The following SUPT3H variants were observed in gnomAD, a reference collection of about 807,000 sequenced individuals.
The protein encoded by SUPT3H is transcription initiation protein SPT3 homolog.
Under a neutral mutation model 44.3 loss-of-function variants are expected in SUPT3H, and 44 were observed. The ratio of observed to expected loss-of-function variants is 0.99; its 90% CI spans 0.78 to 1.28. SUPT3H has a LOEUF of 1.28. Among genes scored for constraint, SUPT3H ranks in the 50% most tolerant of loss-of-function variants. SUPT3H has a pLI of 0.00. For synonymous variants in SUPT3H, 124 were observed against 125.6 expected (o/e 0.99, Z 0.09); for missense variants, 380 against 387.1 (o/e 0.98, Z 0.15).
intron 2 of SUPT3H, among the ~76,000 whole-genome samples, chr6:45,121,956 G>A (rs773542876): frequency 5.3e-5 from 8 of 151,766 alleles, no homozygotes; most frequent in Non-Finnish European, 1.2e-4. Flanking sequence ...GATTACAGGC[G>A]TGAGCCACCG....
chr6:45,024,045 C>T (rs577632179), intron 3 of SUPT3H, among the ~76,000 whole-genome samples: 6 of 152,216 alleles, frequency 3.9e-5, no homozygotes, highest in African/African-American at 1.4e-4. Context: ...AAAAATGTTC[C>T]TCAAAACTTC....
At chr6:45,055,481 T>A (rs556348803) in intron 3 of SUPT3H, among the ~76,000 whole-genome samples, 1 of 152,102 alleles carries the variant, frequency 6.6e-6, no homozygotes, top group African/African-American at 2.4e-5. Flanking sequence ...AAATGGCACA[T>A]AGACCCATGC....
At chr6:45,345,010 G>A (rs1454613232) in intron 2 of SUPT3H, among the ~76,000 whole-genome samples, 1 of 152,108 alleles carries the variant, frequency 6.6e-6, no homozygotes, top group Non-Finnish European at 1.5e-5. Flanking sequence ...TCAGAATTTA[G>A]CAAACTGATT....
At chr6:44,894,941 C>T (rs868410850) in intron 10 of SUPT3H, among the ~76,000 whole-genome samples, 29 of 151,820 alleles carry the variant, frequency 1.9e-4, no homozygotes, top group South Asian at 1.5e-3. Flanking sequence ...CTTTTAATTT[C>T]ACTTTTCCAC....
intron 3 of SUPT3H, among the ~76,000 whole-genome samples, chr6:45,038,396 A>G (rs949691062): frequency 6.6e-6 from 1 of 152,192 alleles, no homozygotes; most frequent in African/African-American, 2.4e-5. Context: ...CTGTGTGTCT[A>G]ACACCCACCA....
At chr6:45,004,727 C>T (rs930976628) in intron 5 of SUPT3H, among the ~76,000 whole-genome samples, 1 of 152,072 alleles carries the variant, frequency 6.6e-6, no homozygotes, top group African/African-American at 2.4e-5. Context: ...AAAATACATT[C>T]ATTTATAGAG....
intron 10 of SUPT3H, among the ~76,000 whole-genome samples, chr6:44,891,166 G>A (rs1488732121): frequency 6.6e-6 from 1 of 152,010 alleles, no homozygotes; most frequent in Non-Finnish European, 1.5e-5. Context: ...GTCAAAAAAA[G>A]AAATAAAAAA....
chr6:45,084,212 C>T (rs763346864), intron 3 of SUPT3H, among the ~76,000 whole-genome samples: 3 of 152,072 alleles, frequency 2.0e-5, no homozygotes, highest in South Asian at 2.1e-4. Flanking sequence ...AGAAAACTTG[C>T]AGAATGGGAG....
intron 2 of SUPT3H, among the ~76,000 whole-genome samples, chr6:45,303,637 T>C (rs1484457257): frequency 1.3e-5 from 2 of 149,762 alleles, no homozygotes; most frequent in Non-Finnish European, 3.0e-5. Context: ...GTCCATTCTA[T>C]TTAATAGAAT....
intron 2 of SUPT3H, among the ~76,000 whole-genome samples, chr6:45,296,942 A>G (rs1781377671): frequency 6.6e-6 from 1 of 150,840 alleles, no homozygotes; most frequent in East Asian, 1.9e-4. Flanking sequence ...AGAAAAAAAA[A>G]AAAAGGAAGG....
rs114674876 is a variant in SUPT3H, at chr6:45,113,306, A to G, written c.102-7300T>C. 7.6e-3 allele frequency among the ~76,000 whole-genome samples: 1,157 copies of G among 152,196 alleles called. 9 individuals carry two copies. The highest frequency in any genetic ancestry group is 0.013 in the Non-Finnish European group (861 of 67,992). ...CTGTTGTTTATGTCATTCTTACCCA[A>G]TATCTGTTGACACTGATTTGTCCAC... is the stretch of plus-strand genomic sequence containing the variant. On this transcript the variant is annotated intron_variant, in intron 2 of 10. Transcript: ENST00000371459.
At chr6:44,997,129 T>C (rs975219295) in intron 6 of SUPT3H, among the ~76,000 whole-genome samples, 2 of 151,790 alleles carry the variant, frequency 1.3e-5, no homozygotes, top group Admixed American at 6.6e-5. Context: ...TACTCTTCTT[T>C]AATGAAAATT....
intron 10 of SUPT3H, among the ~76,000 whole-genome samples, chr6:44,876,320 G>A (rs1777249038): frequency 1.6e-5 from 1 of 61,312 alleles, no homozygotes; most frequent in Non-Finnish European, 3.2e-5. Context: ...ATACTATGCA[G>A]CCATAAAAAA....
intron 9 of SUPT3H, among the ~76,000 whole-genome samples, chr6:44,944,056 G>A (rs931343708): frequency 8.6e-5 from 13 of 151,632 alleles, no homozygotes; most frequent in African/African-American, 2.2e-4. Flanking sequence ...TCATTAAAAC[G>A]CACTAGATTA....
At chr6:44,941,729 C>T (rs1243374784) in intron 9 of SUPT3H, among the ~76,000 whole-genome samples, 1 of 152,120 alleles carries the variant, frequency 6.6e-6, no homozygotes, top group Non-Finnish European at 1.5e-5. Context: ...AAGGCTACAA[C>T]AATAGTATTA....
chr6:45,056,869 T>A (rs1044122560), intron 3 of SUPT3H, among the ~76,000 whole-genome samples: 2 of 151,684 alleles, frequency 1.3e-5, no homozygotes, highest in Non-Finnish European at 2.9e-5. Context: ...AAAGTTCCAG[T>A]CTTAAACAAC....
intron 2 of SUPT3H, among the ~76,000 whole-genome samples, chr6:45,141,061 C>T (rs1015546918): frequency 1.3e-5 from 2 of 151,992 alleles, no homozygotes; most frequent in East Asian, 1.9e-4. Context: ...CAGAAGAGGC[C>T]GGGTACAGTG....
intron 2 of SUPT3H, among the ~76,000 whole-genome samples, chr6:45,353,504 T>C (rs1215559618): frequency 6.6e-6 from 1 of 152,004 alleles, no homozygotes; most frequent in Admixed American, 6.6e-5. Flanking sequence ...CTGATAAAGG[T>C]AGTATTTCAA....
At chr6:45,285,823 C>A (rs1485787225) in intron 2 of SUPT3H, among the ~76,000 whole-genome samples, 5 of 152,202 alleles carry the variant, frequency 3.3e-5, no homozygotes, top group Non-Finnish European at 7.3e-5. Flanking sequence ...CTGAAGGCAT[C>A]ACACTACCTG....
Sources: allele counts gnomAD v4.1 joint callset (sites outside exome capture counted in the v4.1 genomes callset), GRCh38; gene constraint gnomAD v4.1.1; transcripts MANE v1.5; gene names NCBI Gene and HGNC (gene_info 2026-07-23, HGNC 2026-07-21).